The following ZDHHC13 variants were observed in gnomAD, a reference collection of about 807,000 sequenced individuals.
The protein encoded by ZDHHC13 is palmitoyltransferase ZDHHC13.
Under a neutral mutation model 86.0 loss-of-function variants are expected in ZDHHC13, and 85 were observed. The observed-to-expected ratio is 0.99, with a 90% CI of 0.83 to 1.18. ZDHHC13 has a LOEUF of 1.18. Ranked by LOEUF, ZDHHC13 falls within the 50% of genes most tolerant of loss-of-function variation. The pLI, the probability that ZDHHC13 is intolerant of heterozygous loss-of-function variation, is 0.00. For missense variants in ZDHHC13, 711 were observed against 730.2 expected, an observed-to-expected ratio of 0.97 and a Z score of 0.30; for synonymous variants, 263 against 246.4, an observed-to-expected ratio of 1.07 and a Z score of -0.63.
At chr11:19,142,026 A>G (rs1432686305) in intron 1 of ZDHHC13, among the ~76,000 whole-genome samples, 1 of 152,032 alleles carries the variant, frequency 6.6e-6, no homozygotes, top group Non-Finnish European at 1.5e-5. Context: ...CTGAGCTAGC[A>G]CGCCACCCGT....
At position 19,152,832 on chromosome 11, in the gene ZDHHC13, C is replaced by T; in HGVS notation, c.873+148C>T. On this transcript the variant is annotated intron_variant, in intron 8 of 16. Coordinates refer to ENST00000446113, the MANE Select transcript of ZDHHC13 (RefSeq NM_019028.3). ...TATCTTTCCCCCGCATCCTATTACC[C>T]AAAGTTGGAAATTTGGCACTTTCAT... The T allele has an allele frequency of 3.1e-6, 4 of 1,299,698 alleles. No homozygotes were observed. In the East Asian group the frequency reaches 7.4e-5, roughly 24 times the overall value. The allele number at this position is 1,299,698 out of a possible 1,614,324, so 80.5% of individuals were successfully genotyped here.
chr11:19,140,756 G>A (rs527320995), intron 1 of ZDHHC13, among the ~76,000 whole-genome samples: 53 of 152,262 alleles, frequency 3.5e-4, no homozygotes, highest in Non-Finnish European at 6.5e-4. Flanking sequence ...ATGAGTTCAC[G>A]TCCTTTGTGG....
At chr11:19,121,202 G>A (rs1848752279) in intron 1 of ZDHHC13, among the ~76,000 whole-genome samples, 2 of 152,210 alleles carry the variant, frequency 1.3e-5, no homozygotes, top group African/African-American at 4.8e-5. Context: ...CAGAGCCCAG[G>A]TGTCAGGGCT....
At position 19,126,502 on chromosome 11, in the gene ZDHHC13, ATTTT is replaced by A. The variant is rs754405966; in HGVS notation, c.27+9250_27+9253del. Among the ~76,000 whole-genome samples the A allele has an allele frequency of 4.9e-3, 467 of 95,106 alleles. 3 individuals carry two copies. The highest frequency in any genetic ancestry group is 0.022 in the African/African-American group (445 of 19,954). The allele number at this position is 95,106 out of a possible 152,430, so 62.4% of individuals were successfully genotyped here. A position where few individuals can be genotyped will look rare whatever the true frequency, so the allele number is the denominator to read the frequency against. On this transcript the variant is annotated intron_variant, in intron 1 of 16. Coordinates refer to ENST00000446113, the MANE Select transcript of ZDHHC13 (RefSeq NM_019028.3). ...TAGGCACATACCACCACCCTGGCTAATTTTTTTTTTTTTTTTTTTTTTTTTTTAG... is the reference window on the plus strand; with the variant it reads ...TAGGCACATACCACCACCCTGGCTAATTTTTTTTTTTTTTTTTTTTTTTAG...
chr11:19,150,603 T>C (rs1213843518), intron 5 of ZDHHC13, 124 bp from the exon 6 acceptor site: 13 of 748,716 alleles, frequency 1.7e-5, no homozygotes, highest in Non-Finnish European at 2.8e-5. Flanking sequence ...TATCAAATGA[T>C]ATTTGAGCCC....
intron 1 of ZDHHC13, among the ~76,000 whole-genome samples, chr11:19,140,831 C>T (rs1271105186): frequency 6.7e-6 from 1 of 148,812 alleles, no homozygotes; most frequent in East Asian, 2.0e-4. Flanking sequence ...AAACCAAACA[C>T]TGCATATTCT....
At chr11:19,121,727 A>G (rs1248599852) in intron 1 of ZDHHC13, among the ~76,000 whole-genome samples, 4 of 152,146 alleles carry the variant, frequency 2.6e-5, no homozygotes, top group African/African-American at 9.7e-5. Context: ...TAAATTCTTT[A>G]CCAGTTCACA....
At chr11:19,163,479 G>T in intron 11 of ZDHHC13, 52 bp downstream of exon 11, 1 of 1,523,914 alleles carries the variant, frequency 6.6e-7, no homozygotes, top group Non-Finnish European at 8.8e-7. Context: ...GTAAACTTTA[G>T]AAAGTTTATA....
chr11:19,140,507 G>A (rs971459532), intron 1 of ZDHHC13, among the ~76,000 whole-genome samples: 4 of 152,148 alleles, frequency 2.6e-5, no homozygotes, highest in African/African-American at 9.7e-5. Context: ...AGTCAGTGTG[G>A]CGATTCCTCA....
intron 1 of ZDHHC13, among the ~76,000 whole-genome samples, chr11:19,132,472 T>C (rs1849022859): frequency 6.6e-6 from 1 of 152,218 alleles, no homozygotes; most frequent in African/African-American, 2.4e-5. Context: ...ATCTCCATTT[T>C]TTGCCTATCC....
Position 19,175,841 on chromosome 11 carries a change from C to G in ZDHHC13, c.1750C>G (p.Leu584Val). 1 of 1,613,056 alleles carries G rather than the reference C, an allele frequency of 6.2e-7. No homozygotes were observed. Among genetic ancestry groups the G allele is most frequent in the Non-Finnish European group, 8.5e-7 (1 of 1,179,634 alleles). ...TGGCAGTCTTGGATTCATGCAGAAC[C>G]TGGCAGATTTCTTTCAGTGTGGCTG... is the stretch of plus-strand genomic sequence containing the variant. ...TPYNLGFMQNLADFFQCGCFG... is the reference protein window; with the variant it reads ...TPYNLGFMQNVADFFQCGCFG... Residue 584 changes from leucine (L) to valine (V), a missense_variant, in exon 17 of 17, where the codon CTG (leucine) becomes GTG (valine). Transcript: ENST00000446113.
chr11:19,139,222 G>T (rs1185622669), intron 1 of ZDHHC13, among the ~76,000 whole-genome samples: 1 of 151,934 alleles, frequency 6.6e-6, no homozygotes, highest in Non-Finnish European at 1.5e-5. Context: ...AAAGTCTCAG[G>T]ATACAAAATC....
chr11:19,147,995 G>A (rs1205525484), intron 4 of ZDHHC13, among the ~76,000 whole-genome samples: 1 of 152,132 alleles, frequency 6.6e-6, no homozygotes, highest in East Asian at 1.9e-4. Flanking sequence ...TATGACAGAT[G>A]TCTATTTAGA....
At position 19,135,362 on chromosome 11, in the gene ZDHHC13, G is replaced by A. The variant is rs560431233; in HGVS notation, c.28-7616G>A. Among the ~76,000 whole-genome samples the A allele has an allele frequency of 6.8e-3, 1,043 of 152,338 alleles. 9 individuals carry two copies. The highest frequency in any genetic ancestry group is 0.024 in the African/African-American group (984 of 41,580). Reference sequence around the variant, plus strand: ...TCCCACCCGAATACTGCGCTTTTCCGACGGGCTTAAAAAACGGCGCACCAG... The same window carrying A: ...TCCCACCCGAATACTGCGCTTTTCCAACGGGCTTAAAAAACGGCGCACCAG... On this transcript the variant is annotated intron_variant, in intron 1 of 16. Transcript: ENST00000446113.
At position 19,117,615 on chromosome 11, in the gene ZDHHC13, G is replaced by C. The variant is rs1848672871; in HGVS notation, c.27+339G>C. Reference sequence around the variant, plus strand: ...ATGGCCCTTCCCGGGAGAGGTGTCAGGTGACACACCTGATTCGGACCCGCC... The same window carrying C: ...ATGGCCCTTCCCGGGAGAGGTGTCACGTGACACACCTGATTCGGACCCGCC... On this transcript the variant is annotated intron_variant, in intron 1 of 16. Transcript: ENST00000446113. The surrounding 1 kb of genome is among the most constrained non-coding windows in gnomAD (Gnocchi z 4.2). 3.2e-6 allele frequency: 1 copy of C among 311,118 alleles called. No homozygotes were observed. Among genetic ancestry groups the C allele is most frequent in the Admixed American group, 4.9e-5 (1 of 20,380 alleles). 19.3% of individuals were successfully genotyped at this position (311,118 alleles called of 1,614,324 possible).
chr11:19,156,011 C>G (rs917768783), intron 9 of ZDHHC13, 82 bp downstream of exon 9: 19 of 1,456,856 alleles, frequency 1.3e-5, no homozygotes, highest in African/African-American at 4.3e-5. Flanking sequence ...GCTGGAGTCA[C>G]AGATTTTTAT....
intron 15 of ZDHHC13, among the ~76,000 whole-genome samples, chr11:19,171,444 TAAC>T (rs953588809): frequency 6.6e-6 from 1 of 151,252 alleles, no homozygotes; most frequent in African/African-American, 2.4e-5. Flanking sequence ...ATGATAATAA[TAAC>T]AAGAAGAGAA....
chr11:19,166,529 C>G (rs1028104233), intron 14 of ZDHHC13, 144 bp downstream of exon 14: 9 of 563,750 alleles, frequency 1.6e-5, no homozygotes, highest in Non-Finnish European at 1.2e-5. Context: ...CTAAGACTCC[C>G]TCAGCATTGG....
intron 4 of ZDHHC13, among the ~76,000 whole-genome samples, chr11:19,148,311 T>A (rs572585003): frequency 4.6e-5 from 7 of 152,256 alleles, no homozygotes; most frequent in African/African-American, 1.7e-4. Flanking sequence ...ATTGTTCATG[T>A]AAGTCAAGGA....
Sources: allele counts gnomAD v4.1 joint callset (sites outside exome capture counted in the v4.1 genomes callset), GRCh38; gene constraint gnomAD v4.1.1; non-coding constraint Gnocchi (gnomAD v3.1); transcripts MANE v1.5; gene names NCBI Gene and HGNC (gene_info 2026-07-23, HGNC 2026-07-21).